Variants in ZBTB41 observed in about 807,000 individuals in gnomAD.
The protein encoded by ZBTB41 is zinc finger and BTB domain-containing protein 41.
Under a neutral mutation model 87.6 loss-of-function variants are expected in ZBTB41, and 42 were observed. The observed-to-expected ratio is 0.48, with a 90% CI of 0.37 to 0.62. The LOEUF (loss-of-function observed/expected upper bound fraction) is 0.62, where lower values mean the gene tolerates loss of function less well. Among genes scored for constraint, ZBTB41 ranks in the 20% least tolerant of loss-of-function variants. The pLI is 0.00. For synonymous variants in ZBTB41, 364 were observed against 364.0 expected, an observed-to-expected ratio of 1.00 and a Z score of 0.00; for missense variants, 799 against 1,078.9, an observed-to-expected ratio of 0.74 and a Z score of 3.63.
At chr1:197,177,271 A>G (rs1659630637) in intron 7 of ZBTB41, among the ~76,000 whole-genome samples, 1 of 152,058 alleles carries the variant, frequency 6.6e-6, no homozygotes, top group Admixed American at 6.6e-5. Flanking sequence ...CTGATGCTTT[A>G]AAAGTGTTCC....
In ZBTB41 at chr1:197,155,129, C is replaced by T. The variant is rs1659034414; in HGVS notation, c.*4230G>A. ...AGAAACAGAGACACAGATGCAGACA[C>T]ACTACTCATTTTATTTTACTTGTCA... On this transcript the variant is annotated 3_prime_UTR_variant, in exon 11 of 11. Transcript: ENST00000367405. 1 of 152,308 alleles carries T rather than the reference C, an allele frequency of 6.6e-6. No homozygotes were observed. The highest frequency in any genetic ancestry group is 2.4e-5 in the African/African-American group (1 of 41,388). 9.4% of individuals were successfully genotyped at this position (152,308 alleles called of 1,614,324 possible).
intron 2 of ZBTB41, among the ~76,000 whole-genome samples, chr1:197,193,608 G>A (rs151321246): frequency 6.6e-6 from 1 of 152,170 alleles, no homozygotes; most frequent in East Asian, 1.9e-4. Flanking sequence ...CTTTCCCCTT[G>A]CCACTGCTAA....
chr1:197,189,070 G>C (rs1179647561), intron 4 of ZBTB41, among the ~76,000 whole-genome samples: 1 of 152,160 alleles, frequency 6.6e-6, no homozygotes. Flanking sequence ...AACTTGGTAA[G>C]GGGAAGACAC....
At chr1:197,173,870 C>T (rs1322822996) in intron 9 of ZBTB41, among the ~76,000 whole-genome samples, 1 of 151,992 alleles carries the variant, frequency 6.6e-6, no homozygotes, top group Non-Finnish European at 1.5e-5. Flanking sequence ...TGCCTGAAAA[C>T]GTTTTTGTTT....
In ZBTB41 at chr1:197,175,170, C is replaced by T. The variant is rs938635443; in HGVS notation, c.1880-55G>A. On this transcript the variant is annotated intron_variant, in intron 8 of 10. Coordinates refer to ENST00000367405, the MANE Select transcript of ZBTB41 (RefSeq NM_194314.3). Reference sequence around the variant, plus strand: ...ATAATATACATCTCAGGTTTTTATCCCCAGAAACAAACTATCAAACAGTAA... The same window carrying T: ...ATAATATACATCTCAGGTTTTTATCTCCAGAAACAAACTATCAAACAGTAA... 6 of 1,450,396 alleles carry T rather than the reference C, an allele frequency of 4.1e-6. No homozygotes were observed. The Admixed American group carries it at 1.1e-4, about 27-fold the overall frequency. The allele number at this position is 1,450,396 out of a possible 1,614,324, so 89.8% of individuals were successfully genotyped here.
chr1:197,161,611 T>C (rs368160779), intron 10 of ZBTB41, among the ~76,000 whole-genome samples: 1 of 35,354 alleles, frequency 2.8e-5, no homozygotes, highest in African/African-American at 5.6e-5. Context: ...CAGTGAGACA[T>C]GAATACATTA....
At chr1:197,175,431 A>AAAATATATATATATATATATATATAT (rs1553231069) in intron 8 of ZBTB41, among the ~76,000 whole-genome samples, 1 of 71,558 alleles carries the variant, frequency 1.4e-5, no homozygotes, top group Non-Finnish European at 3.0e-5. Context: ...AGGAATTTTA[A>AAAATATATATATATATATATATATAT]ATATATATAT....
At chr1:197,180,634 GATCCA>G (rs1659721825) in intron 6 of ZBTB41, among the ~76,000 whole-genome samples, 1 of 151,972 alleles carries the variant, frequency 6.6e-6, no homozygotes, top group African/African-American at 2.4e-5. Flanking sequence ...GTTTTGCCTT[GATCCA>G]TCTGTTTTAT....
intron 10 of ZBTB41, 53 bp downstream of exon 10, chr1:197,172,107 A>C: frequency 8.6e-6 from 5 of 581,440 alleles, no homozygotes; most frequent in Non-Finnish European, 1.3e-5. Context: ...TGATTACACT[A>C]TATATATCTC....
chr1:197,201,021 G>C (rs1046845547), intron 1 of ZBTB41, among the ~76,000 whole-genome samples: 4 of 152,234 alleles, frequency 2.6e-5, no homozygotes, highest in Admixed American at 6.5e-5. Flanking sequence ...CAGGAATAGA[G>C]AGCGTCCCTC....
At chr1:197,162,293 C>G (rs866461080) in intron 10 of ZBTB41, among the ~76,000 whole-genome samples, 1 of 151,928 alleles carries the variant, frequency 6.6e-6, no homozygotes, top group Admixed American at 6.6e-5. Flanking sequence ...AAGAAATAAA[C>G]CTTCTACAGT....
chr1:197,179,202 G>A (rs1486528403), intron 6 of ZBTB41, among the ~76,000 whole-genome samples: 2 of 152,082 alleles, frequency 1.3e-5, no homozygotes, highest in African/African-American at 4.8e-5. Context: ...ACCTCTGCAG[G>A]CTTTTAGCTA....
rs151048675 is a variant in ZBTB41 at position 197,187,658 on chromosome 1, T to G, written c.1546+634A>C. Among the ~76,000 whole-genome samples, 195 of 152,294 alleles carry G rather than the reference T, an allele frequency of 1.3e-3. 3 individuals are homozygous for G. The highest frequency in any genetic ancestry group is 0.011 in the East Asian group (59 of 5,194). On this transcript the variant is annotated intron_variant, in intron 5 of 10. Transcript: ENST00000367405. ...GCTGAATCCACAGACATGGCACTTA[T>G]AGATATGGAGGGCCAATTGTATCAT...
intron 2 of ZBTB41, among the ~76,000 whole-genome samples, chr1:197,194,947 C>T (rs933208818): frequency 3.3e-5 from 5 of 152,014 alleles, no homozygotes; most frequent in Admixed American, 1.3e-4. Context: ...TGTTAATCTT[C>T]GATTTTCATG....
intron 5 of ZBTB41, among the ~76,000 whole-genome samples, chr1:197,181,419 G>A (rs1342790396): frequency 6.6e-6 from 1 of 152,086 alleles, no homozygotes; most frequent in Non-Finnish European, 1.5e-5. Context: ...GCATACTAAA[G>A]TTTTTGGGAA....
In ZBTB41 at chr1:197,181,088, G is replaced by T; in HGVS notation, c.1576C>A (p.Gln526Lys). The change falls in exon 6 of 11, where the codon CAG (glutamine) becomes AAG (lysine). Residue 526 changes from glutamine (Q) to lysine (K), a missense_variant. Coordinates refer to ENST00000367405, the MANE Select transcript of ZBTB41 (RefSeq NM_194314.3). Reference protein sequence around the residue: ...GPFPCDICGRQFNDTGNLKRH... With the variant: ...GPFPCDICGRKFNDTGNLKRH... ...TTCAAATTTCCAGTGTCGTTAAACT[G>T]GCGACCACATATATCACATGGAAAA... is the stretch of plus-strand genomic sequence containing the variant. 6.2e-7 allele frequency: 1 copy of T among 1,600,456 alleles called. No homozygotes were observed.
chr1:197,180,187 C>T (rs1659709470), intron 6 of ZBTB41, among the ~76,000 whole-genome samples: 2 of 152,058 alleles, frequency 1.3e-5, no homozygotes, highest in Admixed American at 6.6e-5. Flanking sequence ...TCAACACTTA[C>T]CACTGTGTTA....
chr1:197,160,037 A>C lies in ZBTB41; in HGVS notation c.2075-23T>G, dbSNP rs758099278. The stretch of plus-strand genomic sequence containing the variant: ...CACCTATATGAATGAACAAGAATAT[A>C]ATTAGATGTAAAATGTACTCAACTT... On this transcript the variant is annotated intron_variant, in intron 10 of 10. Transcript: ENST00000367405. 1.9e-6 allele frequency: 3 copies of C among 1,576,470 alleles called. No homozygotes were observed. The East Asian group carries it at 6.7e-5, about 35-fold the overall frequency.
Position 197,200,239 on chromosome 1 carries a change from C to T in ZBTB41, c.235G>A (p.Asp79Asn). Residue 79 changes from aspartate (D) to asparagine (N), a missense_variant, in exon 2 of 11, where the codon GAT becomes AAT. Physicochemically the swap from Asp to Asn is conservative, Grantham distance 23. This residue lies in a region of ZBTB41 where 59 missense variants were observed against 120.1 expected (regional missense o/e 0.49). Transcript: ENST00000367405. ...YNKNLLKYLN[D>N]DRQKQPSFCD... ...AAAGATGGTTGCTTCTGCCTATCAT[C>T]ATTTAAATATTTTAGCAAATTCTTA... The T allele has an allele frequency of 6.2e-7, 1 of 1,612,376 alleles. No individual in the cohort carries two copies. The highest frequency in any genetic ancestry group is 8.5e-7 in the Non-Finnish European group (1 of 1,179,592).
Sources: allele counts gnomAD v4.1 joint callset (sites outside exome capture counted in the v4.1 genomes callset), GRCh38; gene constraint gnomAD v4.1.1; regional missense constraint gnomAD v4.1.1; transcripts MANE v1.5; gene names NCBI Gene and HGNC (gene_info 2026-07-23, HGNC 2026-07-21).